TOX: variants seen among roughly 807,000 people sequenced by gnomAD.
TOX encodes the protein thymocyte selection-associated high mobility group box protein TOX.
A neutral mutation model predicts 53.7 loss-of-function variants in TOX; 11 were observed. The observed-to-expected ratio is 0.20, with a 90% confidence interval of 0.13 to 0.34. The LOEUF (loss-of-function observed/expected upper bound fraction) is 0.34, where lower values mean the gene tolerates loss of function less well. Ranked by LOEUF, TOX falls within the 10% of genes least tolerant of loss-of-function variation. The probability of loss-of-function intolerance (pLI) is 1.00; values close to 1 mark genes in which losing one functional copy is unlikely to be tolerated. For synonymous variants in TOX, 225 were observed against 245.3 expected, an observed-to-expected ratio of 0.92 and a Z score of 0.77; for missense variants, 570 against 664.6, an observed-to-expected ratio of 0.86 and a Z score of 1.56.
At chr8:58,918,955 A>G (rs1041886467) in intron 3 of TOX, among the ~76,000 whole-genome samples, 39 of 151,680 alleles carry the variant, frequency 2.6e-4, no homozygotes, top group Admixed American at 1.3e-4. Flanking sequence ...CCCATTCACA[A>G]TTGCTTCAAA....
intron 1 of TOX, among the ~76,000 whole-genome samples, chr8:59,014,913 A>T: frequency 6.6e-6 from 1 of 152,246 alleles, no homozygotes; most frequent in Admixed American, 6.5e-5. Flanking sequence ...ATGCAACTCA[A>T]AGCAGAAAAA....
chr8:58,873,958 CTTTTTTTTTTTTTT>C (rs1173710545), intron 3 of TOX, among the ~76,000 whole-genome samples: 1 of 40,128 alleles, frequency 2.5e-5, no homozygotes, highest in African/African-American at 1.7e-4. Context: ...TGCCAGGAAG[CTTTTTTTTTTTTTT>C]TTTTTTTTTT....
chr8:58,870,729 A>G (rs1271351285), intron 3 of TOX, among the ~76,000 whole-genome samples: 2 of 152,132 alleles, frequency 1.3e-5, no homozygotes, highest in Admixed American at 6.6e-5. Flanking sequence ...ATAGATCCAC[A>G]CAAATATAGT....
chr8:58,989,173 G>A (rs374214638), intron 1 of TOX, among the ~76,000 whole-genome samples: 7 of 152,046 alleles, frequency 4.6e-5, no homozygotes, highest in African/African-American at 9.7e-5. Flanking sequence ...AAAATCAGCC[G>A]GGTGTGGTGG....
At chr8:58,847,772 C>T (rs1452843793) in intron 4 of TOX, among the ~76,000 whole-genome samples, 1 of 152,050 alleles carries the variant, frequency 6.6e-6, no homozygotes, top group Admixed American at 6.6e-5. Flanking sequence ...AGTCAGGTTA[C>T]TTTCAAAGGA....
intron 5 of TOX, among the ~76,000 whole-genome samples, chr8:58,836,380 A>C (rs995137190): frequency 6.6e-6 from 1 of 152,198 alleles, no homozygotes; most frequent in African/African-American, 2.4e-5. Context: ...TAGCTTTAAA[A>C]TTCTGCAACA....
At chr8:58,946,354 T>C (rs1338854540) in intron 2 of TOX, among the ~76,000 whole-genome samples, 2 of 152,218 alleles carry the variant, frequency 1.3e-5, no homozygotes, top group East Asian at 1.9e-4. Context: ...AGAGTTTAAA[T>C]TGTGTCAATA....
intron 1 of TOX, among the ~76,000 whole-genome samples, chr8:59,010,279 A>T (rs1440545640): frequency 6.6e-6 from 1 of 152,230 alleles, no homozygotes; most frequent in African/African-American, 2.4e-5. Context: ...AAAATGCTTT[A>T]TAAGTTACCT....
At chr8:58,832,158 A>G (rs1317908412) in intron 5 of TOX, among the ~76,000 whole-genome samples, 2 of 114,426 alleles carry the variant, frequency 1.7e-5, no homozygotes, top group Non-Finnish European at 4.0e-5. Context: ...AATATATAAT[A>G]TATGTAATAT....
chr8:58,954,583 C>A (rs1003122891), intron 2 of TOX, among the ~76,000 whole-genome samples: 3 of 152,124 alleles, frequency 2.0e-5, no homozygotes, highest in East Asian at 1.9e-4. Context: ...CATGATAAAG[C>A]AGCCTTGTAG....
intron 1 of TOX, among the ~76,000 whole-genome samples, chr8:59,017,225 A>G (rs1381700738): frequency 6.6e-6 from 1 of 152,252 alleles, no homozygotes; most frequent in Non-Finnish European, 1.5e-5. Context: ...ATCATACTGT[A>G]GCACTGTTTA....
chr8:59,033,647 G>A (rs1228728993), intron 1 of TOX, among the ~76,000 whole-genome samples: 1 of 152,182 alleles, frequency 6.6e-6, no homozygotes, highest in Non-Finnish European at 1.5e-5. Flanking sequence ...GTTTGCTAAG[G>A]TATGAGTTAG....
intron 1 of TOX, among the ~76,000 whole-genome samples, chr8:59,066,682 C>T (rs533490492): frequency 2.6e-5 from 4 of 152,114 alleles, no homozygotes; most frequent in Non-Finnish European, 5.9e-5. Flanking sequence ...ACTTTGTCTG[C>T]CCTGTGTAAT....
At chr8:58,970,822 T>G (rs1812989078) in intron 1 of TOX, among the ~76,000 whole-genome samples, 1 of 152,196 alleles carries the variant, frequency 6.6e-6, no homozygotes, top group Non-Finnish European at 1.5e-5. Context: ...ACTAAAAGTA[T>G]TTCAGAGATC....
chr8:58,976,345 C>A (rs1208547913), intron 1 of TOX, among the ~76,000 whole-genome samples: 12 of 152,228 alleles, frequency 7.9e-5, no homozygotes, highest in African/African-American at 2.7e-4. Flanking sequence ...GAAGACTCCT[C>A]ATCCATTAAA....
At chr8:58,858,121 T>A (rs1235464896) in intron 3 of TOX, among the ~76,000 whole-genome samples, 1 of 152,174 alleles carries the variant, frequency 6.6e-6, no homozygotes, top group Non-Finnish European at 1.5e-5. Flanking sequence ...TGTGCTCATC[T>A]CAGGTTATTA....
intron 3 of TOX, among the ~76,000 whole-genome samples, chr8:58,865,806 TA>T (rs1811087512): frequency 1.3e-5 from 2 of 151,442 alleles, no homozygotes; most frequent in Non-Finnish European, 2.9e-5. Flanking sequence ...TCTTTTTTCT[TA>T]ATTATGGTAA....
chr8:59,080,278 G>C (rs1804383063), intron 1 of TOX, among the ~76,000 whole-genome samples: 1 of 152,148 alleles, frequency 6.6e-6, no homozygotes, highest in South Asian at 2.1e-4. Context: ...ACTGCACCCA[G>C]CCACAGCCCC....
At chr8:58,915,006 C>T (rs1363578020) in intron 3 of TOX, among the ~76,000 whole-genome samples, 5 of 151,126 alleles carry the variant, frequency 3.3e-5, no homozygotes, top group Admixed American at 2.6e-4. Context: ...GCTTAAAAAA[C>T]GGCGCACCAC....
Sources: allele counts gnomAD v4.1 joint callset (sites outside exome capture counted in the v4.1 genomes callset), GRCh38; gene constraint gnomAD v4.1.1; transcripts MANE v1.5; gene names NCBI Gene and HGNC (gene_info 2026-07-23, HGNC 2026-07-21).